APBB2: variants seen among roughly 807,000 people sequenced by gnomAD.
APBB2 encodes the protein amyloid beta precursor protein binding family B member 2.
A neutral mutation model predicts 82.5 loss-of-function variants in APBB2; 38 were observed. The observed-to-expected ratio is 0.46, with a 90% confidence interval of 0.36 to 0.60. The LOEUF (loss-of-function observed/expected upper bound fraction) is 0.60, where lower values mean the gene tolerates loss of function less well. APBB2 is among the 20% of genes least tolerant of loss of function. APBB2 has a pLI of 0.00. For missense variants in APBB2, 772 were observed against 972.3 expected (o/e 0.79, Z 2.74); for synonymous variants, 341 against 368.2 (o/e 0.93, Z 0.85).
chr4:40,848,054 C>A lies in APBB2; in HGVS notation c.1530-17477G>T, dbSNP rs115697562. On this transcript the variant is annotated intron_variant, in intron 12 of 17. Transcript: ENST00000508593. The stretch of plus-strand genomic sequence containing the variant: ...CTTTTGGGCTCAAGCAATCCACCCA[C>A]CTCAGCTTCTCAAAAAAGTATTTGG... Among the ~76,000 whole-genome samples, 5 of 152,278 alleles carry A rather than the reference C, an allele frequency of 3.3e-5. No individual in the cohort carries two copies. In the South Asian group the frequency reaches 1.0e-3, roughly 32 times the overall value.
chr4:41,094,954 C>T (rs1177706663), intron 3 of APBB2, among the ~76,000 whole-genome samples: 1 of 152,168 alleles, frequency 6.6e-6, no homozygotes, highest in Non-Finnish European at 1.5e-5. Flanking sequence ...GACCTGACCC[C>T]AGCCCTCGGG....
Position 40,934,462 on chromosome 4 carries a change from T to G in APBB2, c.1248A>C (p.Glu416Asp), listed in dbSNP as rs1202475021. ...DDSCSINSDP[E>D]AKCFAVRSLG... ...AAAGCAAGTCTTTACAAACCTTGGC[T>G]TCTGGGTCACTGTTGATACTACAAG... Residue 416 changes from glutamate (E) to aspartate (D), a missense_variant, in exon 10 of 18, where the codon GAA becomes GAC. Physicochemically the swap from Glu to Asp is conservative, Grantham distance 45. Transcript: ENST00000508593. 5.0e-6 allele frequency: 8 copies of G among 1,614,038 alleles called. No individual in the cohort carries two copies. Among genetic ancestry groups the G allele is most frequent in the African/African-American group, 1.3e-5 (1 of 74,928 alleles).
intron 5 of APBB2, among the ~76,000 whole-genome samples, chr4:41,023,800 G>A (rs1401094746): frequency 6.6e-6 from 1 of 151,934 alleles, no homozygotes; most frequent in African/African-American, 2.4e-5. Flanking sequence ...TCAAACTATC[G>A]ACATTCTTCA....
intron 12 of APBB2, among the ~76,000 whole-genome samples, chr4:40,833,135 G>A (rs1211216662): frequency 1.3e-5 from 2 of 152,194 alleles, no homozygotes; most frequent in African/African-American, 4.8e-5. Context: ...CTCCTCCCTA[G>A]AGGGTCCTTC....
intron 1 of APBB2, among the ~76,000 whole-genome samples, chr4:41,199,565 C>T (rs965817275): frequency 6.6e-6 from 1 of 152,150 alleles, no homozygotes; most frequent in African/African-American, 2.4e-5. Flanking sequence ...TTGATAAGAG[C>T]AACCTATAAT....
At chr4:40,995,635 C>T (rs1305867613) in intron 6 of APBB2, among the ~76,000 whole-genome samples, 1 of 151,904 alleles carries the variant, frequency 6.6e-6, no homozygotes, top group African/African-American at 2.4e-5. Context: ...CCTCGACTTC[C>T]TGAGTTAAAT....
chr4:40,866,715 T>G (rs1764115335), intron 12 of APBB2, among the ~76,000 whole-genome samples: 1 of 152,132 alleles, frequency 6.6e-6, no homozygotes, highest in Non-Finnish European at 1.5e-5. Flanking sequence ...TAGTGTCCTT[T>G]TATTATTTTA....
intron 1 of APBB2, among the ~76,000 whole-genome samples, chr4:41,160,037 A>AGAAGAC (rs1258514181): frequency 3.4e-5 from 5 of 146,290 alleles, no homozygotes; most frequent in African/African-American, 8.2e-5. Context: ...AAGAAGAAGA[A>AGAAGAC]AACATCACAG....
intron 6 of APBB2, among the ~76,000 whole-genome samples, chr4:40,999,305 C>G (rs62412085): frequency 0.042 from 6,370 of 152,078 alleles, 273 homozygotes; most frequent in African/African-American, 0.11. Flanking sequence ...ACAGCCAGGT[C>G]TGGTGGTATG....
intron 10 of APBB2, among the ~76,000 whole-genome samples, chr4:40,911,814 T>C (rs577636032): frequency 2.8e-4 from 43 of 152,288 alleles, no homozygotes; most frequent in African/African-American, 1.0e-3. Flanking sequence ...CGAGCCTCCA[T>C]GCAGAGCTTT....
chr4:40,867,722 A>C (rs1350390803), intron 12 of APBB2, among the ~76,000 whole-genome samples: 2 of 152,114 alleles, frequency 1.3e-5, no homozygotes, highest in Non-Finnish European at 2.9e-5. Flanking sequence ...CATTCCTGGG[A>C]CTTAGAGACT....
At chr4:40,955,544 TACTG>T (rs957733321) in intron 6 of APBB2, among the ~76,000 whole-genome samples, 3 of 152,252 alleles carry the variant, frequency 2.0e-5, no homozygotes, top group Non-Finnish European at 1.5e-5. Flanking sequence ...CAGCTGCTAC[TACTG>T]ACTCTTTGGA....
At chr4:41,153,879 T>C (rs1762859036) in intron 1 of APBB2, among the ~76,000 whole-genome samples, 1 of 152,220 alleles carries the variant, frequency 6.6e-6, no homozygotes, top group African/African-American at 2.4e-5. Context: ...ATTTGCTCTA[T>C]AAATCTATCA....
At position 40,813,277 on chromosome 4, in the gene APBB2, T is replaced by C. The variant is rs970614422; in HGVS notation, c.*2815A>G. On this transcript the variant is annotated 3_prime_UTR_variant, in exon 18 of 18. Coordinates refer to ENST00000508593, the MANE Select transcript of APBB2 (RefSeq NM_004307.2). The stretch of plus-strand genomic sequence containing the variant: ...AATACATTAACACAATAATGCAGTA[T>C]ATTTCAGTAAAAATAGAATAAATAA... 1.3e-5 allele frequency: 2 copies of C among 152,212 alleles called. No homozygotes were observed. The allele number at this position is 152,212 out of a possible 1,614,324, so 9.4% of individuals were successfully genotyped here.
At chr4:41,064,044 T>C (rs554412022) in intron 4 of APBB2, among the ~76,000 whole-genome samples, 88 of 144,582 alleles carry the variant, frequency 6.1e-4, no homozygotes, top group Admixed American at 5.8e-3. Flanking sequence ...AGTGGCGCGA[T>C]CTCGGTTCAC....
intron 1 of APBB2, among the ~76,000 whole-genome samples, chr4:41,151,156 G>T: frequency 6.6e-6 from 1 of 151,804 alleles, no homozygotes; most frequent in African/African-American, 2.4e-5. Context: ...TTTTTTAATG[G>T]CATTTTAAAG....
At chr4:40,908,607 C>G (rs997009690) in intron 10 of APBB2, among the ~76,000 whole-genome samples, 1 of 152,048 alleles carries the variant, frequency 6.6e-6, no homozygotes, top group African/African-American at 2.4e-5. Context: ...CGGCTGGCAC[C>G]GGAGCCCAGG....
chr4:40,965,033 T>C (rs774492365), intron 6 of APBB2, among the ~76,000 whole-genome samples: 1 of 151,320 alleles, frequency 6.6e-6, no homozygotes, highest in Non-Finnish European at 1.5e-5. Context: ...GGCAAGAAAA[T>C]TGCTTGAACT....
At chr4:41,125,779 G>A (rs906278672) in intron 2 of APBB2, among the ~76,000 whole-genome samples, 6 of 152,142 alleles carry the variant, frequency 3.9e-5, no homozygotes, top group Admixed American at 6.5e-5. Context: ...GAAAACCAGG[G>A]ATTAAATTAA....
Sources: gnomAD v4.1 joint callset for allele counts (sites outside exome capture counted in the v4.1 genomes callset) on GRCh38, gnomAD v4.1.1 for gene constraint, MANE v1.5 for transcripts, NCBI Gene and HGNC (gene_info 2026-07-23, HGNC 2026-07-21) for gene names.